The following OLFM1 variants were observed in gnomAD, a reference collection of about 807,000 sequenced individuals.
The protein encoded by OLFM1 is olfactomedin 1.
In OLFM1, 9 loss-of-function variants were observed where a neutral mutation model predicts 49.7. The observed-to-expected ratio is 0.18, with a 90% CI of 0.11 to 0.32. OLFM1 has a LOEUF of 0.32. Ranked by LOEUF, OLFM1 falls within the 10% of genes least tolerant of loss-of-function variation. The pLI is 1.00. For missense variants in OLFM1, 369 were observed against 661.8 expected (o/e 0.56, Z 4.85); for synonymous variants, 240 against 271.8 (o/e 0.88, Z 1.15).
upstream of OLFM1, among the ~76,000 whole-genome samples, chr9:135,086,266 C>T (rs112709419): frequency 7.6e-3 from 1,153 of 152,378 alleles, 4 homozygotes; most frequent in Middle Eastern, 0.017. Context: ...TTGGAATTTC[C>T]TGGCATCCGA....
chr9:135,089,057 C>T (rs1010780104), intron 1 of OLFM1, among the ~76,000 whole-genome samples: 1 of 152,154 alleles, frequency 6.6e-6, no homozygotes, highest in African/African-American at 2.4e-5. Flanking sequence ...GGACGTGAGT[C>T]TCCCTCCCTC....
intron 4 of OLFM1, among the ~76,000 whole-genome samples, chr9:135,100,224 T>C (rs1830852101): frequency 6.6e-6 from 1 of 152,158 alleles, no homozygotes; most frequent in Admixed American, 6.5e-5. Flanking sequence ...AAGTGAGGAT[T>C]TGGAGTAAAA....
At chr9:135,084,449 C>CCTCT (rs10672691), upstream of OLFM1, among the ~76,000 whole-genome samples, 1 of 145,676 alleles carries the variant, frequency 6.9e-6, no homozygotes, top group African/African-American at 2.6e-5. This position sits in a 1 kb window ranked among gnomAD's most constrained non-coding sequence, Gnocchi z 4.6. Context: ...TATTATCTCT[C>CCTCT]CTCTCTGTCT....
chr9:135,120,542 G>A lies in OLFM1; in HGVS notation c.*364G>A, dbSNP rs1831172833. On this transcript the variant is annotated 3_prime_UTR_variant, in exon 6 of 6. Coordinates refer to ENST00000371793, the MANE Select transcript of OLFM1 (RefSeq NM_001282611.2). ...GATGGCATGAACATTTCCTTAGATC[G>A]TGGTCAGCTCCGAGGAATGTGGCGT... 3.9e-6 allele frequency: 1 copy of A among 254,390 alleles called. No homozygotes were observed. The allele number at this position is 254,390 out of a possible 1,614,324, so 15.8% of individuals were successfully genotyped here.
At chr9:135,102,313 G>A (rs1174885121) in intron 4 of OLFM1, among the ~76,000 whole-genome samples, 46 of 152,194 alleles carry the variant, frequency 3.0e-4, no homozygotes, top group Non-Finnish European at 7.4e-5. Flanking sequence ...TCCTGCCCCC[G>A]GCCCTGAGTG....
intron 1 of OLFM1, chr9:135,076,988 C>G (rs781620635): frequency 1.3e-6 from 2 of 1,550,594 alleles, no homozygotes; most frequent in South Asian, 1.2e-5. Flanking sequence ...TATGTCGTCC[C>G]GCTTACCCTC....
At position 135,113,428 on chromosome 9, in the gene OLFM1, A is replaced by G. The variant is rs1184493087; in HGVS notation, c.784-6076A>G. 6.6e-6 allele frequency among the ~76,000 whole-genome samples: 1 copy of G among 152,174 alleles called. No homozygotes were observed. Among genetic ancestry groups the G allele is most frequent in the African/African-American group, 2.4e-5 (1 of 41,434 alleles). On this transcript the variant is annotated intron_variant, in intron 5 of 5. Coordinates refer to ENST00000371793, the MANE Select transcript of OLFM1 (RefSeq NM_001282611.2). This position sits in a 1 kb window ranked among gnomAD's most constrained non-coding sequence, Gnocchi z 4.0. ...CCAAGCCCACTCGAGTCCCGGGCTA[A>G]GGACATAAATGATGATAGCTGGCAT... is the stretch of plus-strand genomic sequence containing the variant.
At chr9:135,078,750 C>T (rs1830498590) in intron 1 of OLFM1, among the ~76,000 whole-genome samples, 1 of 152,214 alleles carries the variant, frequency 6.6e-6, no homozygotes, top group Non-Finnish European at 1.5e-5. Context: ...CCACACCCCC[C>T]AGGCTTCCCT....
At position 135,117,738 on chromosome 9, in the gene OLFM1, A is replaced by T. The variant is rs1831114834; in HGVS notation, c.784-1766A>T. ...AGCTGCTGCCCCACAACCTGGTGTC[A>T]TCCCAAGCAAGCAGAGGGCAGGATT... On this transcript the variant is annotated intron_variant, in intron 5 of 5. Coordinates refer to ENST00000371793, the MANE Select transcript of OLFM1 (RefSeq NM_001282611.2). The surrounding 1 kb of genome is among the most constrained non-coding windows in gnomAD (Gnocchi z 5.5). Among the ~76,000 whole-genome samples the T allele has an allele frequency of 6.6e-6, 1 of 152,208 alleles. No homozygotes were observed. Among genetic ancestry groups the T allele is most frequent in the African/African-American group, 2.4e-5 (1 of 41,460 alleles).
chr9:135,118,534 C>G (rs1235204070), intron 5 of OLFM1, among the ~76,000 whole-genome samples: 1 of 147,890 alleles, frequency 6.8e-6, no homozygotes, highest in Non-Finnish European at 1.5e-5. Context: ...CTCGCTGGGT[C>G]TTTGGAATGC....
rs994867963 is a variant in OLFM1 at position 135,087,675 on chromosome 9, G to C, written c.-315G>C. On this transcript the variant is annotated 5_prime_UTR_variant, in exon 1 of 6. Transcript: ENST00000371793. ...GCAGCCCGCGCAGCGCTCAGAGCCG[G>C]ACGGCGCTTCCCGGTGGCGGCGGAG... The C allele has an allele frequency of 1.5e-5, 7 of 466,456 alleles. No individual in the cohort carries two copies. The Admixed American group carries it at 3.7e-4, about 24-fold the overall frequency. The allele number at this position is 466,456 out of a possible 1,614,324, so 28.9% of individuals were successfully genotyped here.
chr9:135,095,746 A>G, intron 2 of OLFM1, 118 bp from the exon 3 acceptor site: 1 of 1,066,732 alleles, frequency 9.4e-7, no homozygotes. Context: ...TGCATGGGCC[A>G]CTTCTGGTTC....
At position 135,075,734 on chromosome 9, in the gene OLFM1, G is replaced by C; in HGVS notation, c.28G>C (p.Asp10His). 3 of 1,604,462 alleles carry C rather than the reference G, an allele frequency of 1.9e-6. 1 individual carries two copies. The highest frequency in any genetic ancestry group is 2.5e-6 in the Non-Finnish European group (3 of 1,177,100). The change falls in exon 1 of 6, where the codon GAC becomes CAC. Residue 10 changes from aspartate (D) to histidine (H), a missense_variant. Physicochemically the swap from Asp to His is moderately conservative, Grantham distance 81. Transcript: ENST00000252854. ...GCCAGGTCGTTGGAGGTGGCAGCGAGACATGCACCCGGCCCGGAAGCTCCT... is the reference window on the plus strand; with the variant it reads ...GCCAGGTCGTTGGAGGTGGCAGCGACACATGCACCCGGCCCGGAAGCTCCT...
chr9:135,079,201 G>A (rs147526283), intron 1 of OLFM1, among the ~76,000 whole-genome samples: 12 of 152,306 alleles, frequency 7.9e-5, no homozygotes, highest in Non-Finnish European at 1.8e-4. Flanking sequence ...TGTCTGCACC[G>A]AGTGCTCTGG....
chr9:135,095,373 A>G (rs1006853864), intron 2 of OLFM1, among the ~76,000 whole-genome samples: 3 of 152,142 alleles, frequency 2.0e-5, no homozygotes, highest in Non-Finnish European at 2.9e-5. Flanking sequence ...CAAGACAGTC[A>G]ATGAGATTTA....
At chr9:135,076,009 C>T (rs1830460088) in intron 1 of OLFM1, 2 of 1,441,690 alleles carry the variant, frequency 1.4e-6, no homozygotes, top group Admixed American at 2.8e-5. Context: ...AGACGGCGCT[C>T]CTCCAGCCCC....
chr9:135,092,972 TC>T (rs1374294539), intron 2 of OLFM1, among the ~76,000 whole-genome samples: 1 of 152,190 alleles, frequency 6.6e-6, no homozygotes, highest in Non-Finnish European at 1.5e-5. Context: ...TGCTTTCTCT[TC>T]ATGGGCAGAA....
chr9:135,115,364 A>AT (rs1251928795), intron 5 of OLFM1, among the ~76,000 whole-genome samples: 5 of 152,218 alleles, frequency 3.3e-5, no homozygotes, highest in African/African-American at 1.2e-4. Flanking sequence ...CAGGGACGAG[A>AT]TTGCTTGCCC....
upstream of OLFM1, chr9:135,087,177 A>T: frequency 7.4e-7 from 1 of 1,356,940 alleles, no homozygotes; most frequent in Non-Finnish European, 9.6e-7. Context: ...CTGGCGCTGG[A>T]GGCCCTCGCG....
Sources: gnomAD v4.1 joint callset for allele counts (sites outside exome capture counted in the v4.1 genomes callset) on GRCh38, gnomAD v4.1.1 for gene constraint, Gnocchi (gnomAD v3.1) non-coding constraint, MANE v1.5 for transcripts, NCBI Gene and HGNC (gene_info 2026-07-23, HGNC 2026-07-21) for gene names.